Variants in SIRPD observed in about 807,000 individuals in gnomAD.
The protein encoded by SIRPD is signal regulatory protein delta.
Under a neutral mutation model 18.0 loss-of-function variants are expected in SIRPD, and 21 were observed. The ratio of observed to expected loss-of-function variants is 1.17; its 90% CI spans 0.83 to 1.68. The LOEUF (loss-of-function observed/expected upper bound fraction) is 1.68. Among genes scored for constraint, SIRPD ranks in the 40% most tolerant of loss-of-function variants. The pLI is 0.00. For missense variants in SIRPD, 295 were observed against 238.4 expected (o/e 1.24, Z -1.56); for synonymous variants, 106 against 92.9 (o/e 1.14, Z -0.81).
intron 2 of SIRPD, among the ~76,000 whole-genome samples, chr20:1,543,425 G>T (rs536257780): frequency 6.6e-5 from 10 of 152,220 alleles, no homozygotes; most frequent in African/African-American, 2.4e-4. Context: ...GCATGGAGGT[G>T]TTTATAGTAT....
chr20:1,553,846 G>A lies in SIRPD; in HGVS notation c.74-1808C>T, dbSNP rs149831273. The A allele has an allele frequency of 3.3e-5, 5 of 152,658 alleles. No homozygotes were observed. The East Asian group carries it at 5.8e-4, about 18-fold the overall frequency. The allele number at this position is 152,658 out of a possible 1,614,324, so 9.5% of individuals were successfully genotyped here. ...TACAGGGTAGTTCGTGGATAAAGGAGCATGGTGTTCAGTATGTAGTGATGA... is the reference window on the plus strand; with the variant it reads ...TACAGGGTAGTTCGTGGATAAAGGAACATGGTGTTCAGTATGTAGTGATGA... On this transcript the variant is annotated intron_variant, in intron 1 of 3. Coordinates refer to ENST00000381623, the MANE Select transcript of SIRPD (RefSeq NM_178460.3).
At position 1,555,964 on chromosome 20, in the gene SIRPD, G is replaced by A. The variant is rs78343164; in HGVS notation, c.73+1617C>T. Among the ~76,000 whole-genome samples the A allele has an allele frequency of 2.0e-3, 304 of 152,310 alleles. 2 individuals are homozygous for A. Among genetic ancestry groups the A allele is most frequent in the African/African-American group, 7.1e-3 (295 of 41,574 alleles). On this transcript the variant is annotated intron_variant, in intron 1 of 3. Transcript: ENST00000381623. ...TCTAAGTTCACTCAGGTTGTTGGCAGAATTCAGGTCTTTGTGGTTGTAGGA... is the reference window on the plus strand; with the variant it reads ...TCTAAGTTCACTCAGGTTGTTGGCAAAATTCAGGTCTTTGTGGTTGTAGGA...
At chr20:1,542,195 G>A (rs971495050) in intron 2 of SIRPD, among the ~76,000 whole-genome samples, 4 of 152,204 alleles carry the variant, frequency 2.6e-5, no homozygotes, top group South Asian at 2.1e-4. Flanking sequence ...ATGGTAGCTC[G>A]ATGGGAATAG....
intron 3 of SIRPD, among the ~76,000 whole-genome samples, chr20:1,535,303 C>T (rs1226651568): frequency 6.6e-6 from 1 of 152,038 alleles, no homozygotes; most frequent in Non-Finnish European, 1.5e-5. Context: ...TCCCATTGAC[C>T]CAGGTTTCAA....
intron 2 of SIRPD, among the ~76,000 whole-genome samples, chr20:1,551,061 G>A (rs2091016773): frequency 1.3e-5 from 2 of 152,166 alleles, no homozygotes; most frequent in Admixed American, 1.3e-4. Context: ...CATTCTTGTA[G>A]CCCTTAGGAC....
In SIRPD at chr20:1,551,951, G is replaced by T; in HGVS notation, c.161C>A (p.Pro54His). Reference sequence around the variant, plus strand: ...GACAGGTCCATTTGGTAAGGTATTGGGTACGCTGCAACTCAAGATGATTGA... The same window carrying T: ...GACAGGTCCATTTGGTAAGGTATTGTGTACGCTGCAACTCAAGATGATTGA... ...GESIILSCSV[P>H]NTLPNGPVLW... Residue 54 changes from proline to histidine, a missense_variant, in exon 2 of 4, where the codon CCC becomes CAC. Physicochemically the swap from Pro to His is moderately conservative, Grantham distance 77 (BLOSUM62 -2). Transcript: ENST00000381623. 1 of 1,614,024 alleles carries T rather than the reference G, an allele frequency of 6.2e-7. No individual in the cohort carries two copies. Among genetic ancestry groups the T allele is most frequent in the Non-Finnish European group, 8.5e-7 (1 of 1,179,980 alleles).
intron 2 of SIRPD, among the ~76,000 whole-genome samples, chr20:1,544,369 C>T (rs952595107): frequency 2.7e-5 from 4 of 150,758 alleles, no homozygotes; most frequent in Non-Finnish European, 5.9e-5. Context: ...ATGCAATGCC[C>T]TTCTTTGTCT....
chr20:1,541,646 G>T (rs561631607), intron 2 of SIRPD, among the ~76,000 whole-genome samples: 12 of 152,274 alleles, frequency 7.9e-5, no homozygotes, highest in Admixed American at 3.9e-4. Context: ...AGTTTACTTA[G>T]ATCCCATTTG....
intron 2 of SIRPD, among the ~76,000 whole-genome samples, chr20:1,540,840 C>T (rs1600064422): frequency 6.6e-6 from 1 of 152,060 alleles, no homozygotes; most frequent in East Asian, 1.9e-4. Context: ...CTCCCTGTGC[C>T]CATATGTCCT....
In SIRPD at chr20:1,551,684, T is replaced by C. The variant is rs767091590; in HGVS notation, c.421+7A>G. 62 of 1,606,146 alleles carry C rather than the reference T, an allele frequency of 3.9e-5. No homozygotes were observed. Among genetic ancestry groups the C allele is most frequent in the Non-Finnish European group, 4.3e-6 (5 of 1,174,514 alleles). On this transcript the variant is annotated splice_region_variant and intron_variant, in intron 2 of 3. Transcript: ENST00000381623. ...CAGGGGGTATGGGGTATAGGAGACA[T>C]ACTCACCAGTAACAAACACCTGAGT...
At chr20:1,552,657 GGT>G (rs2091024569) in intron 1 of SIRPD, among the ~76,000 whole-genome samples, 1 of 152,072 alleles carries the variant, frequency 6.6e-6, no homozygotes, top group Non-Finnish European at 1.5e-5. Context: ...CAATTTTGGA[GGT>G]TCTCACCAGC....
chr20:1,546,831 A>G (rs555073237), intron 2 of SIRPD, among the ~76,000 whole-genome samples: 1 of 152,212 alleles, frequency 6.6e-6, no homozygotes, highest in Non-Finnish European at 1.5e-5. Context: ...TTCCCTGAGG[A>G]TAAATTATGC....
At position 1,551,929 on chromosome 20, in the gene SIRPD, A is replaced by C. The variant is rs1026874663; in HGVS notation, c.183T>G (p.Pro61=). ...CSVPNTLPNG[P]VLWFKGTGPN... is the part of the protein sequence containing the mutation. ...GCCCTGTTCCCTTGAACCACAAGAC[A>C]GGTCCATTTGGTAAGGTATTGGGTA... is the stretch of plus-strand genomic sequence containing the variant. The change falls in exon 2 of 4, where the codon CCT becomes CCG. Residue 61 remains proline, a synonymous_variant. Transcript: ENST00000381623. The C allele has an allele frequency of 1.2e-6, 2 of 1,614,016 alleles. No homozygotes were observed. Among genetic ancestry groups the C allele is most frequent in the African/African-American group, 2.7e-5 (2 of 74,914 alleles).
intron 2 of SIRPD, among the ~76,000 whole-genome samples, chr20:1,542,078 C>T (rs1182034075): frequency 2.0e-5 from 3 of 152,152 alleles, no homozygotes; most frequent in Non-Finnish European, 2.9e-5. Flanking sequence ...AGCATGATGC[C>T]TCTAGCTTTG....
intron 2 of SIRPD, among the ~76,000 whole-genome samples, chr20:1,542,539 C>T (rs2090976723): frequency 6.6e-6 from 1 of 152,140 alleles, no homozygotes. Flanking sequence ...AGTTTTGGGG[C>T]TGAGATGATG....
intron 3 of SIRPD, among the ~76,000 whole-genome samples, chr20:1,536,600 T>G (rs1429603959): frequency 6.6e-6 from 1 of 152,202 alleles, no homozygotes; most frequent in Non-Finnish European, 1.5e-5. Flanking sequence ...TCTGGGAGAC[T>G]TACTAGTCTA....
chr20:1,542,950 T>C (rs1178361772), intron 2 of SIRPD, among the ~76,000 whole-genome samples: 1 of 152,234 alleles, frequency 6.6e-6, no homozygotes, highest in Non-Finnish European at 1.5e-5. Flanking sequence ...TTCCATATGT[T>C]GAACCAGCCT....
chr20:1,552,770 G>T (rs561693140), intron 1 of SIRPD, among the ~76,000 whole-genome samples: 1 of 152,122 alleles, frequency 6.6e-6, no homozygotes, highest in African/African-American at 2.4e-5. Context: ...ACCACAGACT[G>T]CCTAAGGAGC....
chr20:1,537,921 G>A (rs1413181600), intron 2 of SIRPD, among the ~76,000 whole-genome samples: 2 of 152,104 alleles, frequency 1.3e-5, no homozygotes, highest in African/African-American at 4.8e-5. Context: ...CATACTGCAG[G>A]AACAGTGACA....
Sources: allele counts gnomAD v4.1 joint callset (sites outside exome capture counted in the v4.1 genomes callset), GRCh38; gene constraint gnomAD v4.1.1; transcripts MANE v1.5; gene names NCBI Gene and HGNC (gene_info 2026-07-23, HGNC 2026-07-21).